The following VPS13B variants were observed in gnomAD, a reference collection of about 807,000 sequenced individuals.
VPS13B encodes the protein vacuolar protein sorting 13 homolog B.
In VPS13B, 285 loss-of-function variants were observed where a neutral mutation model predicts 426.4. The ratio of observed to expected loss-of-function variants is 0.67; its 90% confidence interval spans 0.61 to 0.74. The LOEUF (loss-of-function observed/expected upper bound fraction) is 0.74. VPS13B is among the 30% of genes least tolerant of loss of function. VPS13B has a pLI of 0.00. For missense variants in VPS13B, 4,537 were observed against 4,782.6 expected (o/e 0.95, Z 1.51); for synonymous variants, 1,676 against 1,676.4 (o/e 1.00, Z 0.01).
In VPS13B at chr8:99,568,287, A is replaced by T. The variant is rs866899544; in HGVS notation, c.4950-7371A>T. ...ATATATACCGATAACTATTATTATT[A>T]TTATTATTATTATTTTTTTTTGAGA... On this transcript the variant is annotated intron_variant, in intron 31 of 61. Transcript: ENST00000357162. Among the ~76,000 whole-genome samples the T allele has an allele frequency of 1.4e-3, 198 of 137,142 alleles. 3 individuals are homozygous for T. Among genetic ancestry groups the T allele is most frequent in the Middle Eastern group, 4.1e-3 (1 of 246 alleles). The allele number at this position is 137,142 out of a possible 152,430, so 90.0% of individuals were successfully genotyped here.
intron 17 of VPS13B, among the ~76,000 whole-genome samples, chr8:99,218,963 G>C (rs886132767): frequency 9.2e-5 from 14 of 152,132 alleles, no homozygotes; most frequent in Non-Finnish European, 2.1e-4. Context: ...CAGCAATTGT[G>C]ACAATCTGGG....
At chr8:99,593,943 A>G (rs2133844546) in intron 33 of VPS13B, among the ~76,000 whole-genome samples, 1 of 151,470 alleles carries the variant, frequency 6.6e-6, no homozygotes, top group South Asian at 2.1e-4. Flanking sequence ...GATGGAGAAT[A>G]TCAGGAAGAA....
chr8:99,364,286 C>A lies in VPS13B; in HGVS notation c.2825-19922C>A, dbSNP rs180839101. On this transcript the variant is annotated intron_variant, in intron 19 of 61. Coordinates refer to ENST00000357162, the MANE Select transcript of VPS13B (RefSeq NM_152564.5). ...ATTAGTTGATTTGCATGTGTTGAAC[C>A]ATACTTGCATACCCAGGATAAATCC... Among the ~76,000 whole-genome samples the A allele has an allele frequency of 1.8e-4, 27 of 152,166 alleles. No homozygotes were observed. The East Asian group carries it at 3.7e-3, about 21-fold the overall frequency.
chr8:99,149,623 G>GTT (rs5893484), intron 14 of VPS13B, among the ~76,000 whole-genome samples: 11 of 140,860 alleles, frequency 7.8e-5, no homozygotes, highest in Admixed American at 2.8e-4. Flanking sequence ...TGGCCTATGT[G>GTT]TTTTTTTTTT....
At chr8:99,462,795 A>C (rs1383009819) in intron 23 of VPS13B, among the ~76,000 whole-genome samples, 1 of 152,164 alleles carries the variant, frequency 6.6e-6, no homozygotes, top group Non-Finnish European at 1.5e-5. Flanking sequence ...GTACCTTAAG[A>C]TGAAGAGGAA....
chr8:99,766,330 C>T (rs936674146), intron 39 of VPS13B, among the ~76,000 whole-genome samples: 7 of 151,994 alleles, frequency 4.6e-5, no homozygotes, highest in Admixed American at 6.5e-5. Context: ...GTGATCTGCC[C>T]GCCTCGGCCT....
At chr8:99,217,178 A>G (rs1588148167) in intron 17 of VPS13B, among the ~76,000 whole-genome samples, 1 of 152,208 alleles carries the variant, frequency 6.6e-6, no homozygotes, top group Non-Finnish European at 1.5e-5. Flanking sequence ...CTCTAATAAC[A>G]TTTATAATAG....
rs1817679302 is a variant in VPS13B at position 99,875,946 on chromosome 8, A to AAAG, written c.*282_*284dup. The AAAG allele has an allele frequency of 4.3e-6, 2 of 462,670 alleles. No homozygotes were observed. Among genetic ancestry groups the AAAG allele is most frequent in the East Asian group, 4.1e-5 (1 of 24,252 alleles). The allele number at this position is 462,670 out of a possible 1,614,324, so 28.7% of individuals were successfully genotyped here. On this transcript the variant is annotated 3_prime_UTR_variant, in exon 62 of 62. Coordinates refer to ENST00000357162, the MANE Select transcript of VPS13B (RefSeq NM_152564.5). ...TTCCTTATTTACATCCTTACCTCTA[A>AAAG]AAGATACTTCAAAGTGACAAAAACG...
chr8:99,076,612 CTTTT>C (rs71273161), intron 3 of VPS13B, among the ~76,000 whole-genome samples: 1 of 139,738 alleles, frequency 7.2e-6, no homozygotes, highest in Non-Finnish European at 1.5e-5. Context: ...ATGACTTTGT[CTTTT>C]TTTTTTTTTT....
chr8:99,071,006 T>C (rs1229851668), intron 3 of VPS13B, among the ~76,000 whole-genome samples: 1 of 152,142 alleles, frequency 6.6e-6, no homozygotes, highest in East Asian at 1.9e-4. Context: ...TCTGTTATCT[T>C]GAAGTTCGTT....
chr8:99,134,646 A>C lies in VPS13B; in HGVS notation c.1221A>C (p.Gln407His), dbSNP rs1269344604. ...ATVTFKLTEM[Q>H]VESSYYSPQK... is the part of the protein sequence containing the mutation. ...ATATTTCTTAGCTCACAGAAATGCA[A>C]GTTGAGAGTAGTTATTACAGTCCAC... is the stretch of plus-strand genomic sequence containing the variant. The change falls in exon 9 of 62, where the codon CAA (glutamine) becomes CAC (histidine). Residue 407 changes from glutamine to histidine, a missense_variant. By Grantham distance (24) the Gln-to-His change is conservative. Transcript: ENST00000357162. 6.2e-7 allele frequency: 1 copy of C among 1,606,754 alleles called. No individual in the cohort carries two copies. The highest frequency in any genetic ancestry group is 1.3e-5 in the African/African-American group (1 of 74,772).
At chr8:99,465,095 T>C (rs544493264) in intron 23 of VPS13B, among the ~76,000 whole-genome samples, 1 of 152,172 alleles carries the variant, frequency 6.6e-6, no homozygotes, top group East Asian at 1.9e-4. Context: ...TCAGCCCAGA[T>C]TGATAGAAAG....
intron 33 of VPS13B, among the ~76,000 whole-genome samples, chr8:99,610,785 A>G (rs1048796629): frequency 6.6e-6 from 1 of 152,208 alleles, no homozygotes; most frequent in African/African-American, 2.4e-5. Context: ...AACAATATTA[A>G]AATGAGGAAA....
At chr8:99,405,426 G>A (rs1293106457) in intron 21 of VPS13B, among the ~76,000 whole-genome samples, 13 of 151,856 alleles carry the variant, frequency 8.6e-5, no homozygotes, top group Non-Finnish European at 5.9e-5. Flanking sequence ...TTGTCTGTTC[G>A]TATGCCACAA....
intron 3 of VPS13B, among the ~76,000 whole-genome samples, chr8:99,077,729 G>C (rs1028266678): frequency 2.6e-5 from 4 of 151,960 alleles, no homozygotes; most frequent in Non-Finnish European, 5.9e-5. Context: ...GGTAGAATCC[G>C]TTTGGGGTTC....
chr8:99,794,158 C>T (rs1040455184), intron 43 of VPS13B, among the ~76,000 whole-genome samples: 1 of 152,144 alleles, frequency 6.6e-6, no homozygotes, highest in Admixed American at 6.6e-5. Flanking sequence ...CTTTTTAGTC[C>T]TTTTCCCCTA....
At chr8:99,053,848 G>A (rs1443344423) in intron 3 of VPS13B, among the ~76,000 whole-genome samples, 6 of 151,776 alleles carry the variant, frequency 4.0e-5, no homozygotes, top group African/African-American at 1.2e-4. Flanking sequence ...GATTACAGGC[G>A]ACTACCACCA....
chr8:99,143,759 A>G (rs1241177311), intron 13 of VPS13B, among the ~76,000 whole-genome samples: 1 of 152,198 alleles, frequency 6.6e-6, no homozygotes, highest in Non-Finnish European at 1.5e-5. Context: ...TATCCTTAAG[A>G]AATTTAATTA....
intron 39 of VPS13B, among the ~76,000 whole-genome samples, chr8:99,742,706 C>T (rs1809812191): frequency 1.3e-5 from 2 of 152,178 alleles, no homozygotes; most frequent in African/African-American, 4.8e-5. Context: ...AGCATATAAA[C>T]AGTACCAATG....
Sources: gnomAD v4.1 joint callset for allele counts (sites outside exome capture counted in the v4.1 genomes callset) on GRCh38, gnomAD v4.1.1 for gene constraint, MANE v1.5 for transcripts, NCBI Gene and HGNC (gene_info 2026-07-23, HGNC 2026-07-21) for gene names.